SYT2: variants seen among roughly 807,000 people sequenced by gnomAD.
SYT2 encodes synaptotagmin 2.
SYT2 carries 15 observed loss-of-function variants against 39.9 expected under a neutral mutation model. That is an observed-to-expected ratio of 0.38 (90% CI 0.25 to 0.58). The LOEUF is 0.58. Ranked by LOEUF, SYT2 falls within the 20% of genes least tolerant of loss-of-function variation. The probability of loss-of-function intolerance (pLI) is 0.70; values close to 1 mark genes in which losing one functional copy is unlikely to be tolerated. For missense variants in SYT2, 389 were observed against 530.3 expected (o/e 0.73, Z 2.62); for synonymous variants, 181 against 204.5 (o/e 0.89, Z 0.98).
chr1:202,671,945 G>T (rs1692596126), intron 1 of SYT2, among the ~76,000 whole-genome samples: 1 of 152,296 alleles, frequency 6.6e-6, no homozygotes, highest in Admixed American at 6.5e-5. Flanking sequence ...CAAAAACAAT[G>T]CTTACTACAT....
intron 8 of SYT2, 134 bp from the exon 9 acceptor site, chr1:202,597,097 T>G: frequency 1.4e-6 from 1 of 722,168 alleles, no homozygotes; most frequent in Non-Finnish European, 2.3e-6. Flanking sequence ...TCATCTCTGC[T>G]CCAGTGAAGA....
intron 1 of SYT2, among the ~76,000 whole-genome samples, chr1:202,678,674 C>A (rs760080906): frequency 1.4e-4 from 21 of 152,166 alleles, no homozygotes; most frequent in Non-Finnish European, 2.8e-4. Flanking sequence ...CTTAACCCCT[C>A]CTGCCTCTGA....
chr1:202,633,239 G>A (rs2149092229), intron 1 of SYT2, among the ~76,000 whole-genome samples: 1 of 152,174 alleles, frequency 6.6e-6, no homozygotes, highest in Non-Finnish European at 1.5e-5. Context: ...CCCACTGGGT[G>A]CCCAGCTCTT....
intron 1 of SYT2, among the ~76,000 whole-genome samples, chr1:202,685,903 C>T (rs527727348): frequency 6.6e-6 from 1 of 152,142 alleles, no homozygotes; most frequent in South Asian, 2.1e-4. Flanking sequence ...GTCTCAGAGG[C>T]TCTGGGGCAT....
chr1:202,653,396 C>A (rs1270760809), intron 1 of SYT2, among the ~76,000 whole-genome samples: 1 of 152,218 alleles, frequency 6.6e-6, no homozygotes, highest in Non-Finnish European at 1.5e-5. Flanking sequence ...TGTCACTACG[C>A]ACTGGCTGGT....
intron 1 of SYT2, among the ~76,000 whole-genome samples, chr1:202,617,249 A>G (rs1020255633): frequency 5.3e-5 from 8 of 152,120 alleles, no homozygotes; most frequent in Admixed American, 1.3e-4. Context: ...CCCAAATCTC[A>G]TGTCAAATTG....
intron 1 of SYT2, among the ~76,000 whole-genome samples, chr1:202,659,298 G>A (rs980511622): frequency 3.9e-5 from 6 of 152,066 alleles, no homozygotes; most frequent in East Asian, 1.9e-4. Flanking sequence ...TGTTTTCCCC[G>A]TTAAAAAGGT....
At chr1:202,656,611 G>A (rs1692281885) in intron 1 of SYT2, among the ~76,000 whole-genome samples, 1 of 152,218 alleles carries the variant, frequency 6.6e-6, no homozygotes, top group Non-Finnish European at 1.5e-5. Flanking sequence ...GGCAAGGATG[G>A]TGCGAAGCTT....
intron 1 of SYT2, among the ~76,000 whole-genome samples, chr1:202,672,547 T>C (rs1391134630): frequency 2.6e-5 from 4 of 151,402 alleles, no homozygotes. Context: ...GGTAAGATTG[T>C]ATGTTATTGT....
At chr1:202,683,653 A>G (rs998329816) in intron 1 of SYT2, among the ~76,000 whole-genome samples, 2 of 151,568 alleles carry the variant, frequency 1.3e-5, no homozygotes, top group Non-Finnish European at 2.9e-5. Context: ...AGGTGGGAGG[A>G]CTGCTTAAGC....
intron 1 of SYT2, among the ~76,000 whole-genome samples, chr1:202,695,709 G>T (rs1258180307): frequency 6.6e-6 from 1 of 152,218 alleles, no homozygotes. Context: ...GCAACGTGAG[G>T]AGAAGAGATT....
chr1:202,682,689 A>C (rs929255561), intron 1 of SYT2, among the ~76,000 whole-genome samples: 3 of 152,068 alleles, frequency 2.0e-5, no homozygotes, highest in African/African-American at 7.2e-5. Flanking sequence ...GGGTGGGGAC[A>C]ACCGAGAGTC....
At chr1:202,704,722 G>C (rs1415770908) in intron 1 of SYT2, among the ~76,000 whole-genome samples, 1 of 139,418 alleles carries the variant, frequency 7.2e-6, no homozygotes, top group Non-Finnish European at 1.6e-5. Flanking sequence ...TAATTGCCGA[G>C]TTGAAACCTG....
At position 202,623,503 on chromosome 1, in the gene SYT2, C is replaced by T. The variant is rs1277627017; in HGVS notation, c.-17-17714G>A. Among the ~76,000 whole-genome samples the T allele has an allele frequency of 1.3e-5, 2 of 152,216 alleles. No homozygotes were observed. The highest frequency in any genetic ancestry group is 1.9e-4 in the East Asian group (1 of 5,198). The stretch of plus-strand genomic sequence containing the variant: ...AAACCCACAGGCAGCTGTCCTGGGG[C>T]GGAGGAGAGGGTCTTCCATTGGTTG... On this transcript the variant is annotated intron_variant, in intron 1 of 8. Coordinates refer to ENST00000367268, the MANE Select transcript of SYT2 (RefSeq NM_177402.5). The surrounding 1 kb of genome is among the most constrained non-coding windows in gnomAD (Gnocchi z 4.2).
chr1:202,616,606 C>A lies in SYT2; in HGVS notation c.-17-10817G>T, dbSNP rs139943589. ...TTGTGGCTTCTGCCCCATCCCTCTG[C>A]TGAAGTAGCTCTTTGTAAAGTCATG... On this transcript the variant is annotated intron_variant, in intron 1 of 8. Coordinates refer to ENST00000367268, the MANE Select transcript of SYT2 (RefSeq NM_177402.5). Among the ~76,000 whole-genome samples, 518 of 152,342 alleles carry A rather than the reference C, an allele frequency of 3.4e-3. 3 individuals are homozygous for A. The highest frequency in any genetic ancestry group is 0.011 in the African/African-American group (472 of 41,578).
intron 1 of SYT2, among the ~76,000 whole-genome samples, chr1:202,677,634 C>A (rs1214754063): frequency 6.6e-6 from 1 of 152,224 alleles, no homozygotes; most frequent in Non-Finnish European, 1.5e-5. Context: ...AGAGATGAAC[C>A]ATCCCAGCTG....
chr1:202,590,955 G>A lies in SYT2; in HGVS notation c.*5802C>T, dbSNP rs555043318. 2.6e-5 allele frequency: 4 copies of A among 152,360 alleles called. No homozygotes were observed. Among genetic ancestry groups the A allele is most frequent in the African/African-American group, 9.6e-5 (4 of 41,568 alleles). 9.4% of individuals were successfully genotyped at this position (152,360 alleles called of 1,614,324 possible). A position where few individuals can be genotyped will look rare whatever the true frequency, so the allele number is the denominator to read the frequency against. ...TAAAGTCCTGATCGCTAAGGCAGGT[G>A]GGATGGAGGAACTCCTGGTGCCCCA... is the stretch of plus-strand genomic sequence containing the variant. On this transcript the variant is annotated 3_prime_UTR_variant, in exon 9 of 9. Coordinates refer to ENST00000367268, the MANE Select transcript of SYT2 (RefSeq NM_177402.5).
chr1:202,645,596 G>A (rs1198380023), intron 1 of SYT2, among the ~76,000 whole-genome samples: 3 of 152,310 alleles, frequency 2.0e-5, no homozygotes, highest in Middle Eastern at 3.4e-3. Context: ...ACCAAGAGAC[G>A]CCTGAGCCTT....
chr1:202,602,207 G>T, intron 5 of SYT2, 150 bp from the exon 6 acceptor site: 1 of 1,071,504 alleles, frequency 9.3e-7, no homozygotes, highest in Non-Finnish European at 1.4e-6. Flanking sequence ...CAGAGTGTGA[G>T]GGTGGGGTGG....
Sources: gnomAD v4.1 joint callset for allele counts (sites outside exome capture counted in the v4.1 genomes callset) on GRCh38, gnomAD v4.1.1 for gene constraint, Gnocchi (gnomAD v3.1) non-coding constraint, MANE v1.5 for transcripts, NCBI Gene and HGNC (gene_info 2026-07-23, HGNC 2026-07-21) for gene names.